RP1: variants seen among roughly 807,000 people sequenced by gnomAD.
RP1 encodes the protein oxygen-regulated protein 1.
A neutral mutation model predicts 14.8 loss-of-function variants in RP1; 16 were observed. That is an observed-to-expected ratio of 1.08 (90% CI 0.73 to 1.65). RP1 has a LOEUF of 1.65. Ranked by LOEUF, RP1 falls within the 40% of genes most tolerant of loss-of-function variation. The pLI, the probability that RP1 is intolerant of heterozygous loss-of-function variation, is 0.00. For synonymous variants in RP1, 876 were observed against 883.6 expected, an observed-to-expected ratio of 0.99 and a Z score of 0.15; for missense variants, 2,631 against 2,535.0, an observed-to-expected ratio of 1.04 and a Z score of -0.81.
chr8:54,576,188 G>C lies in RP1; in HGVS notation c.-13+16868G>C, dbSNP rs557694167. Among the ~76,000 whole-genome samples the C allele has an allele frequency of 7.5e-3, 1,138 of 152,174 alleles. 8 individuals are homozygous for C. The highest frequency in any genetic ancestry group is 0.026 in the African/African-American group (1,061 of 41,526). ...CCCGAGTAGCTGGGACTACAGGCGC[G>C]CGCCACCACGCCCGGCTAATTTTGT... is the stretch of plus-strand genomic sequence containing the variant. On this transcript the variant is annotated intron_variant, in intron 1 of 22. Coordinates refer to the RP1 transcript ENST00000636932.
At chr8:54,610,846 C>T (rs1805572292) in intron 1 of RP1, among the ~76,000 whole-genome samples, 1 of 152,140 alleles carries the variant, frequency 6.6e-6, no homozygotes, top group African/African-American at 2.4e-5. Flanking sequence ...ACCTGAATTT[C>T]TTTTTTTACA....
At chr8:54,865,270 T>C (rs1812433632) in intron 27 of RP1, among the ~76,000 whole-genome samples, 1 of 152,084 alleles carries the variant, frequency 6.6e-6, no homozygotes, top group Non-Finnish European at 1.5e-5. Flanking sequence ...AGTCATATCT[T>C]CTGTGAATAA....
intron 17 of RP1, among the ~76,000 whole-genome samples, chr8:54,728,162 T>C (rs2375536): frequency 0.45 from 67,951 of 151,854 alleles, 16,998 homozygotes; most frequent in African/African-American, 0.68. Flanking sequence ...TAAGCACCCA[T>C]GATTTTAAGT....
At chr8:54,659,544 C>T (rs140555888) in intron 6 of RP1, among the ~76,000 whole-genome samples, 234 of 152,164 alleles carry the variant, frequency 1.5e-3, no homozygotes, top group African/African-American at 5.5e-3. Context: ...ACTGTATAAT[C>T]GAGGGCTTTT....
chr8:54,664,875 A>AC (rs1446591228), intron 7 of RP1, among the ~76,000 whole-genome samples: 1 of 151,998 alleles, frequency 6.6e-6, no homozygotes, highest in Non-Finnish European at 1.5e-5. Context: ...GGATTGAAAA[A>AC]CTGTTGGGTA....
chr8:54,723,568 G>A (rs1456518648), intron 16 of RP1, among the ~76,000 whole-genome samples: 1 of 152,174 alleles, frequency 6.6e-6, no homozygotes, highest in Admixed American at 6.5e-5. Flanking sequence ...ACATGAGAAA[G>A]TGTGAAAAGA....
At chr8:54,578,521 A>G (rs923881363) in intron 1 of RP1, among the ~76,000 whole-genome samples, 17 of 152,114 alleles carry the variant, frequency 1.1e-4, no homozygotes, top group Non-Finnish European at 1.9e-4. Flanking sequence ...TTTTTTAAGA[A>G]TATTAGTTGA....
chr8:54,692,838 A>C (rs1340990469), intron 12 of RP1, among the ~76,000 whole-genome samples: 1 of 151,820 alleles, frequency 6.6e-6, no homozygotes, highest in Admixed American at 6.6e-5. Context: ...CCCATTTGCC[A>C]ATTTTGGCTT....
downstream of RP1, among the ~76,000 whole-genome samples, chr8:54,770,345 G>T (rs1314766305): frequency 6.6e-6 from 1 of 151,784 alleles, no homozygotes; most frequent in African/African-American, 2.4e-5. Context: ...GAAACTAACA[G>T]CAACTTTAGC....
intron 12 of RP1, among the ~76,000 whole-genome samples, chr8:54,692,836 C>T (rs1278695138): frequency 3.3e-5 from 5 of 151,512 alleles, no homozygotes; most frequent in East Asian, 2.0e-4. Flanking sequence ...ATCCCATTTG[C>T]CAATTTTGGC....
intron 7 of RP1, among the ~76,000 whole-genome samples, chr8:54,671,710 T>A (rs1016621071): frequency 3.3e-5 from 5 of 152,168 alleles, no homozygotes; most frequent in African/African-American, 4.8e-5. Flanking sequence ...TTCATTGTAT[T>A]CATGCCTGAA....
intron 15 of RP1, among the ~76,000 whole-genome samples, chr8:54,707,895 C>T (rs1808188610): frequency 6.6e-6 from 1 of 152,186 alleles, no homozygotes; most frequent in Non-Finnish European, 1.5e-5. Flanking sequence ...GAAGAGGAAG[C>T]CAAGCTTAAG....
intron 16 of RP1, among the ~76,000 whole-genome samples, chr8:54,722,396 G>T (rs963121543): frequency 6.6e-6 from 1 of 151,584 alleles, no homozygotes; most frequent in Non-Finnish European, 1.5e-5. Flanking sequence ...TCAGCCTCCC[G>T]AGTATCTGGG....
rs1463115441 is a variant in RP1 at position 54,626,956 on chromosome 8, C to T, written c.3074C>T (p.Thr1025Ile). ...AYLVPLHEHC[T>I]LSQSAINDHN... ...TTGGTTCCCCTGCATGAACACTGTA[C>T]TTTGTCACAGTCAGCTATTAATGAT... The change falls in exon 4 of 4, where the codon ACT (threonine) becomes ATT (isoleucine). Residue 1025 changes from threonine (T) to isoleucine (I), a missense_variant. Coordinates refer to ENST00000220676, the MANE Select transcript of RP1 (RefSeq NM_006269.2). The T allele has an allele frequency of 1.9e-6, 3 of 1,613,970 alleles. No homozygotes were observed. The highest frequency in any genetic ancestry group is 2.2e-5 in the East Asian group (1 of 44,862).
In RP1 at chr8:54,785,960, G is replaced by A. The variant is rs143746122; in HGVS notation, c.3615+2250G>A. Among the ~76,000 whole-genome samples, 864 of 152,080 alleles carry A rather than the reference G, an allele frequency of 5.7e-3. 4 individuals are homozygous for A. Among genetic ancestry groups the A allele is most frequent in the Admixed American group, 0.012 (184 of 15,270 alleles). ...TTTTTATTAATGAGTTTAAGAGTTC[G>A]TTATATATTCCCAATATGAATCTGT... On this transcript the variant is annotated intron_variant, in intron 24 of 28. Coordinates refer to the RP1 transcript ENST00000637698.
intron 24 of RP1, among the ~76,000 whole-genome samples, chr8:54,795,791 C>T (rs117845942): frequency 1.2e-4 from 19 of 152,134 alleles, no homozygotes; most frequent in Non-Finnish European, 2.2e-4. Flanking sequence ...TTTTTTCTTG[C>T]GTTTTCAGGA....
rs367558821 is a variant in RP1, at chr8:54,804,392, C to A, written c.3615+20682C>A. Among the ~76,000 whole-genome samples the A allele has an allele frequency of 5.3e-5, 8 of 152,276 alleles. No homozygotes were observed. The East Asian group carries it at 1.5e-3, about 29-fold the overall frequency. On this transcript the variant is annotated intron_variant, in intron 24 of 28. Coordinates refer to the RP1 transcript ENST00000637698. ...CCACCATTAAGGTTTGACTGCATAA[C>A]CCTTGTAGGGTAGACATTCATCATT...
chr8:54,774,892 T>C (rs1313490403), downstream of RP1, among the ~76,000 whole-genome samples: 2 of 152,170 alleles, frequency 1.3e-5, no homozygotes, highest in Non-Finnish European at 2.9e-5. Flanking sequence ...TGAAATAGAC[T>C]TACTCAATCA....
chr8:54,787,557 C>A (rs1175916034), intron 24 of RP1, among the ~76,000 whole-genome samples: 1 of 152,048 alleles, frequency 6.6e-6, no homozygotes, highest in African/African-American at 2.4e-5. Context: ...TATAAACCTG[C>A]CCAGAAATTT....
Sources: allele counts gnomAD v4.1 joint callset (sites outside exome capture counted in the v4.1 genomes callset), GRCh38; gene constraint gnomAD v4.1.1; transcripts MANE v1.5; gene names NCBI Gene and HGNC (gene_info 2026-07-23, HGNC 2026-07-21).